The following SLC67A2 variants were observed in gnomAD, a reference collection of about 807,000 sequenced individuals.
The protein encoded by SLC67A2 is solute carrier family 67 member A2.
chr2:102,719,271 TG>T, the SLC67A2 span: 1 of 1,488,414 alleles, frequency 6.7e-7, no homozygotes, highest in Non-Finnish European at 9.1e-7. Flanking sequence ...ACTACCTCCT[TG>T]GGGAAGGGCC....
At chr2:102,736,564 C>T in the SLC67A2 span, 1 of 1,611,464 alleles carries the variant, frequency 6.2e-7, no homozygotes, top group African/African-American at 1.3e-5. Context: ...CCTGGGAGCT[C>T]CCCGGAAGCT....
At chr2:102,727,905 A>AT in the SLC67A2 span, among the ~76,000 whole-genome samples, 1 of 152,146 alleles carries the variant, frequency 6.6e-6, no homozygotes, top group Non-Finnish European at 1.5e-5. Flanking sequence ...TTTCCTGATA[A>AT]TTTTTTTAAA....
At chr2:102,726,447 C>A in the SLC67A2 span, among the ~76,000 whole-genome samples, 1 of 152,150 alleles carries the variant, frequency 6.6e-6, no homozygotes, top group African/African-American at 2.4e-5. Flanking sequence ...CAGGTTTGGT[C>A]AAGATAGCAG....
At chr2:102,721,086 A>C in the SLC67A2 span, among the ~76,000 whole-genome samples, 1 of 152,212 alleles carries the variant, frequency 6.6e-6, no homozygotes, top group East Asian at 1.9e-4. Context: ...GTAGTTGGGA[A>C]CACTTGCAGC....
chr2:102,718,478 A>G, the SLC67A2 span: 1 of 1,614,162 alleles, frequency 6.2e-7, no homozygotes, highest in South Asian at 1.1e-5. Context: ...GTTTAGAGAC[A>G]TTATGAAAAT....
the SLC67A2 span, chr2:102,726,714 G>A: frequency 7.4e-7 from 1 of 1,348,742 alleles, no homozygotes; most frequent in South Asian, 1.6e-5. Context: ...GCTCCCTTCT[G>A]AACACTCTTT....
the SLC67A2 span, chr2:102,736,803 A>G: frequency 6.2e-7 from 1 of 1,609,568 alleles, no homozygotes. Flanking sequence ...GTGACCCCCA[A>G]GCTCCATACC....
chr2:102,733,649 A>T, the SLC67A2 span, among the ~76,000 whole-genome samples: 19 of 152,246 alleles, frequency 1.2e-4, no homozygotes, highest in African/African-American at 4.6e-4. Flanking sequence ...TCATCAGCCC[A>T]CTGATGTTTA....
At chr2:102,718,621 G>C in the SLC67A2 span, 1 of 1,613,620 alleles carries the variant, frequency 6.2e-7, no homozygotes, top group Non-Finnish European at 8.5e-7. Context: ...TAAGGGTGCC[G>C]CTGGCCTGGG....
the SLC67A2 span, among the ~76,000 whole-genome samples, chr2:102,728,286 C>T: frequency 6.6e-6 from 1 of 152,146 alleles, no homozygotes; most frequent in Non-Finnish European, 1.5e-5. Flanking sequence ...CCATTAGTCC[C>T]GGCTAGGAGG....
the SLC67A2 span, chr2:102,718,864 G>A: frequency 1.2e-6 from 2 of 1,614,098 alleles, no homozygotes; most frequent in South Asian, 1.1e-5. Flanking sequence ...GCATGCTGCT[G>A]TAACTGATGA....
chr2:102,715,120 C>G, the SLC67A2 span, among the ~76,000 whole-genome samples: 1 of 152,186 alleles, frequency 6.6e-6, no homozygotes, highest in Non-Finnish European at 1.5e-5. Flanking sequence ...CAGGGCCCCC[C>G]TAAAGTTACT....
chr2:102,732,114 C>T, the SLC67A2 span: 1 of 672,616 alleles, frequency 1.5e-6, no homozygotes, highest in Non-Finnish European at 2.8e-6. Context: ...GCTCAAATCT[C>T]AAAATCTCTT....
the SLC67A2 span, among the ~76,000 whole-genome samples, chr2:102,733,070 T>A: frequency 6.6e-6 from 1 of 152,212 alleles, no homozygotes; most frequent in Non-Finnish European, 1.5e-5. Flanking sequence ...GAGCATTAAG[T>A]GGCATAATGC....
the SLC67A2 span, among the ~76,000 whole-genome samples, chr2:102,726,076 G>C: frequency 1.8e-3 from 274 of 152,252 alleles, 1 homozygote; most frequent in African/African-American, 6.3e-3. Flanking sequence ...CAAAAAAATG[G>C]ACAAAATAAA....
At chr2:102,722,386 C>T in the SLC67A2 span, among the ~76,000 whole-genome samples, 3 of 152,202 alleles carry the variant, frequency 2.0e-5, no homozygotes, top group Non-Finnish European at 4.4e-5. Flanking sequence ...AGGGTCTGCC[C>T]ATCACCTACC....
chr2:102,723,602 C>A, the SLC67A2 span: 1 of 1,219,392 alleles, frequency 8.2e-7, no homozygotes, highest in Non-Finnish European at 1.2e-6. Context: ...ATGAGTCTGT[C>A]TATTCTGATA....
chr2:102,718,693 C>T, the SLC67A2 span: 1 of 1,613,872 alleles, frequency 6.2e-7, no homozygotes, highest in East Asian at 2.2e-5. Context: ...TGGAGAAGGA[C>T]AGGAGAGTGG....
chr2:102,724,674 C>A, the SLC67A2 span, among the ~76,000 whole-genome samples: 15 of 152,268 alleles, frequency 9.9e-5, no homozygotes, highest in African/African-American at 3.6e-4. Flanking sequence ...TGAATAAATG[C>A]GGCTGGCGGA....
Sources: gnomAD v4.1 joint callset for allele counts (sites outside exome capture counted in the v4.1 genomes callset) on GRCh38, gnomAD v4.1.1 for gene constraint, MANE v1.5 for transcripts, NCBI Gene and HGNC (gene_info 2026-07-23, HGNC 2026-07-21) for gene names.